Variants in TIMM50 observed in about 807,000 individuals in gnomAD.
TIMM50 encodes translocase of inner mitochondrial membrane 50.
TIMM50 carries 34 observed loss-of-function variants against 49.6 expected under a neutral mutation model. The observed-to-expected ratio is 0.69, with a 90% CI of 0.52 to 0.91. The LOEUF (loss-of-function observed/expected upper bound fraction) is 0.91. Among genes scored for constraint, TIMM50 ranks in the 40% least tolerant of loss-of-function variants. The probability of loss-of-function intolerance (pLI) is 0.00; values close to 1 mark genes in which losing one functional copy is unlikely to be tolerated. For missense variants in TIMM50, 458 were observed against 477.8 expected (o/e 0.96, Z 0.39); for synonymous variants, 199 against 198.4 (o/e 1.00, Z -0.03).
intron 4 of TIMM50, 185 bp downstream of exon 4, chr19:39,483,341 T>A (rs2146150604): frequency 2.9e-6 from 2 of 688,168 alleles, no homozygotes; most frequent in Non-Finnish European, 4.9e-6. Flanking sequence ...CCCTGGCCCC[T>A]CAGCCCCGAG....
chr19:39,482,756 C>A, intron 2 of TIMM50, 129 bp from the exon 3 acceptor site: 1 of 1,251,826 alleles, frequency 8.0e-7, no homozygotes, highest in Non-Finnish European at 1.1e-6. Context: ...CCCCTCCTGG[C>A]TTGACTCCAG....
rs563949987 is a variant in TIMM50 at position 39,487,077 on chromosome 19, G to A, written c.696+582G>A. 2.9e-4 allele frequency among the ~76,000 whole-genome samples: 44 copies of A among 152,254 alleles called. No homozygotes were observed. The South Asian group carries it at 8.3e-3, about 29-fold the overall frequency. On this transcript the variant is annotated intron_variant, in intron 8 of 10. Transcript: ENST00000607714. ...CCTGTCTGTGTGGTTCCCTGGGTGT[G>A]GCTGCAGATCTGTCTGCACCTGTTT...
chr19:39,489,631 T>C, intron 10 of TIMM50, 88 bp from the exon 11 acceptor site: 3 of 1,270,144 alleles, frequency 2.4e-6, no homozygotes, highest in South Asian at 1.3e-5. Context: ...AGGTGGTCCC[T>C]GGGCTGAGGC....
In TIMM50 at chr19:39,481,814, T is replaced by C. The variant is rs1050408843; in HGVS notation, c.109-69T>C. On this transcript the variant is annotated intron_variant, in intron 1 of 10. Coordinates refer to ENST00000607714, the MANE Select transcript of TIMM50 (RefSeq NM_001001563.5). ...CTTGGCTCCTGAACTTGATTCTTCT[T>C]GGACTGGAGGGTGGGGACCATCCTG... The C allele has an allele frequency of 3.2e-6, 5 of 1,551,952 alleles. No homozygotes were observed. In the Admixed American group the frequency reaches 7.3e-5, roughly 23 times the overall value.
chr19:39,480,886 G>T lies in TIMM50; in HGVS notation c.33G>T (p.Leu11Phe). The T allele has an allele frequency of 1.9e-6, 3 of 1,599,120 alleles. No individual in the cohort carries two copies. The highest frequency in any genetic ancestry group is 2.5e-6 in the Non-Finnish European group (3 of 1,176,490). ...CCTCGGCAGCGGTGTTCTCGCGCTT[G>T]CGAAGCGGGCTCCGGCTCGGCTCGC... MAASAAVFSR[L>F]RSGLRLGSRG... is the part of the protein sequence containing the mutation. The change falls in exon 1 of 11, where the codon TTG becomes TTT. Residue 11 changes from leucine to phenylalanine, a missense_variant. Coordinates refer to ENST00000607714, the MANE Select transcript of TIMM50 (RefSeq NM_001001563.5).
intron 3 of TIMM50, 100 bp from the exon 4 acceptor site, chr19:39,483,035 T>C (rs2079483102): frequency 6.2e-7 from 1 of 1,607,776 alleles, no homozygotes; most frequent in Non-Finnish European, 8.5e-7. Context: ...CCCAGTGACC[T>C]TTGCCTGTTC....
Position 39,481,960 on chromosome 19 carries a change from T to C in TIMM50, c.186T>C (p.Tyr62=), listed in dbSNP as rs972334899. 2.5e-6 allele frequency: 4 copies of C among 1,614,192 alleles called. No individual in the cohort carries two copies. Among genetic ancestry groups the C allele is most frequent in the African/African-American group, 1.3e-5 (1 of 75,052 alleles). The change falls in exon 2 of 11, where the codon TAT becomes TAC. Residue 62 remains tyrosine, a synonymous_variant. Coordinates refer to ENST00000607714, the MANE Select transcript of TIMM50 (RefSeq NM_001001563.5). The stretch of plus-strand genomic sequence containing the variant: ...AGCCGGGCTCAGAGGGTCCCAGCTA[T>C]GCCAAAAAAGTTGCGCTCTGGCTTG... ...QQQPGSEGPS[Y]AKKVALWLAG...
At chr19:39,485,219 C>T (rs1363961297) in intron 4 of TIMM50, 2 of 371,544 alleles carry the variant, frequency 5.4e-6, no homozygotes, top group Non-Finnish European at 5.1e-6. Context: ...GCCTCGGCCT[C>T]CCAAAGTGCT....
intron 9 of TIMM50, 21 bp from the exon 10 acceptor site, chr19:39,488,518 C>T: frequency 1.2e-6 from 2 of 1,607,642 alleles, no homozygotes; most frequent in East Asian, 2.2e-5. Context: ...CCTGGCTGAC[C>T]ACCCCCTGTT....
intron 2 of TIMM50, among the ~76,000 whole-genome samples, chr19:39,482,602 G>A (rs897359402): frequency 4.6e-5 from 7 of 151,214 alleles, no homozygotes; most frequent in African/African-American, 1.7e-4. Context: ...GGAGCTTGCA[G>A]TGAGCCGAGA....
At chr19:39,481,191 A>T (rs1276726648) in intron 1 of TIMM50, 1 of 572,226 alleles carries the variant, frequency 1.7e-6, no homozygotes, top group Non-Finnish European at 3.0e-6. Context: ...GTGCCGGAGG[A>T]GGAGGGGGTT....
In TIMM50 at chr19:39,484,397, C is replaced by T. The variant is rs139035666; in HGVS notation, c.314-1147C>T. 1.8e-3 allele frequency among the ~76,000 whole-genome samples: 274 copies of T among 152,010 alleles called. 1 individual carries two copies. Among genetic ancestry groups the T allele is most frequent in the Non-Finnish European group, 3.0e-3 (207 of 67,980 alleles). On this transcript the variant is annotated intron_variant, in intron 4 of 10. Transcript: ENST00000607714. ...CTAGCCTGGATGACAGAGTGAGTCT[C>T]CATCTCTAAAAAAAAATAAGTTAAA... is the stretch of plus-strand genomic sequence containing the variant.
At chr19:39,482,812 T>C in intron 2 of TIMM50, 73 bp from the exon 3 acceptor site, 1 of 1,603,130 alleles carries the variant, frequency 6.2e-7, no homozygotes, top group Non-Finnish European at 8.5e-7. Flanking sequence ...TCCAGGCCCC[T>C]TATCCCACTC....
chr19:39,481,687 C>T (rs910158758), intron 1 of TIMM50, among the ~76,000 whole-genome samples, 196 bp from the exon 2 acceptor site: 3 of 152,174 alleles, frequency 2.0e-5, no homozygotes, highest in East Asian at 1.9e-4. Flanking sequence ...AAACTCCTGG[C>T]ATCCTGGTGC....
chr19:39,485,204 C>T lies in TIMM50; in HGVS notation c.314-340C>T, dbSNP rs1184109416. Reference sequence around the variant, plus strand: ...ATGGTCTTGATCTGACCTCGTGATCCGTCTGCCTCGGCCTCCCAAAGTGCT... The same window carrying T: ...ATGGTCTTGATCTGACCTCGTGATCTGTCTGCCTCGGCCTCCCAAAGTGCT... On this transcript the variant is annotated intron_variant, in intron 4 of 10. Coordinates refer to ENST00000607714, the MANE Select transcript of TIMM50 (RefSeq NM_001001563.5). 2.3e-5 allele frequency: 8 copies of T among 341,250 alleles called. No homozygotes were observed. The East Asian group carries it at 3.5e-4, about 15-fold the overall frequency. The allele number at this position is 341,250 out of a possible 1,614,324, so 21.1% of individuals were successfully genotyped here. A position where few individuals can be genotyped will look rare whatever the true frequency, so the allele number is the denominator to read the frequency against.
chr19:39,481,970 G>C lies in TIMM50; in HGVS notation c.196G>C (p.Val66Leu). The change falls in exon 2 of 11, where the codon GTT becomes CTT. Residue 66 changes from valine (V) to leucine (L), a missense_variant. Transcript: ENST00000607714. Reference protein sequence around the residue: ...GSEGPSYAKKVALWLAGLLGA... With the variant: ...GSEGPSYAKKLALWLAGLLGA... ...AGAGGGTCCCAGCTATGCCAAAAAA[G>C]TTGCGCTCTGGCTTGCTGGGCTGCT... 1 of 1,614,194 alleles carries C rather than the reference G, an allele frequency of 6.2e-7. No homozygotes were observed.
In TIMM50 at chr19:39,488,738, G is replaced by A; in HGVS notation, c.960+93G>A. On this transcript the variant is annotated intron_variant, in intron 10 of 10. Coordinates refer to ENST00000607714, the MANE Select transcript of TIMM50 (RefSeq NM_001001563.5). The stretch of plus-strand genomic sequence containing the variant: ...CCATCTCCACACTCTTGGTTTGGCT[G>A]TGTGACCCTGAGCAGATACCTCCTC... 7.9e-6 allele frequency: 8 copies of A among 1,008,228 alleles called. No homozygotes were observed. The South Asian group carries it at 1.1e-4, about 14-fold the overall frequency. The allele number at this position is 1,008,228 out of a possible 1,614,324, so 62.5% of individuals were successfully genotyped here. A position where few individuals can be genotyped will look rare whatever the true frequency, so the allele number is the denominator to read the frequency against.
At position 39,482,901 on chromosome 19, in the gene TIMM50, C is replaced by T. The variant is rs774578707; in HGVS notation, c.276C>T (p.Asp92=). 61 of 1,613,892 alleles carry T rather than the reference C, an allele frequency of 3.8e-5. No homozygotes were observed. The highest frequency in any genetic ancestry group is 6.7e-5 in the African/African-American group (5 of 74,882). The change falls in exon 3 of 11, where the codon GAC becomes GAT. Residue 92 remains aspartate, a synonymous_variant. Coordinates refer to ENST00000607714, the MANE Select transcript of TIMM50 (RefSeq NM_001001563.5). ...VVYIFGNNPV[D]ENGAKIPDEF... is the part of the protein sequence containing the mutation. The stretch of plus-strand genomic sequence containing the variant: ...CCCTTGCAGGAAACAACCCGGTGGA[C>T]GAAAATGGTGCCAAGGTGAGGGGGA...
intron 2 of TIMM50, 113 bp from the exon 3 acceptor site, chr19:39,482,772 T>C: frequency 7.0e-7 from 1 of 1,433,474 alleles, no homozygotes; most frequent in Non-Finnish European, 9.7e-7. Flanking sequence ...TCCAGGAGGC[T>C]GTGCCTCTCT....
Sources: gnomAD v4.1 joint callset for allele counts (sites outside exome capture counted in the v4.1 genomes callset) on GRCh38, gnomAD v4.1.1 for gene constraint, MANE v1.5 for transcripts, NCBI Gene and HGNC (gene_info 2026-07-23, HGNC 2026-07-21) for gene names.